The following RIMS1 variants were observed in gnomAD, a reference collection of about 807,000 sequenced individuals.
RIMS1 encodes regulating synaptic membrane exocytosis 1.
A neutral mutation model predicts 214.1 loss-of-function variants in RIMS1; 83 were observed. That is an observed-to-expected ratio of 0.39 (90% CI 0.32 to 0.47). The LOEUF (loss-of-function observed/expected upper bound fraction) is 0.47. Ranked by LOEUF, RIMS1 falls within the 20% of genes least tolerant of loss-of-function variation. The pLI is 0.99. For synonymous variants in RIMS1, 793 were observed against 786.8 expected (o/e 1.01, Z -0.13); for missense variants, 2,050 against 2,161.8 (o/e 0.95, Z 1.03).
intron 1 of RIMS1, among the ~76,000 whole-genome samples, chr6:71,893,355 T>C (rs1770569696): frequency 6.6e-6 from 1 of 152,078 alleles, no homozygotes. Context: ...CTCGTACATG[T>C]TTTTAGCACA....
chr6:72,378,426 T>C (rs1212516455), intron 29 of RIMS1, among the ~76,000 whole-genome samples: 1 of 152,232 alleles, frequency 6.6e-6, no homozygotes, highest in Non-Finnish European at 1.5e-5. Context: ...ATTTTCTTTG[T>C]GACCTAAAAC....
chr6:72,084,989 A>G lies in RIMS1; in HGVS notation c.246-11960A>G, dbSNP rs1388212739. ...AAGAGCAGAAATTGCAACATTTTATAAATTTTTCTTTTGTTCTTTTTCAGC... is the reference window on the plus strand; with the variant it reads ...AAGAGCAGAAATTGCAACATTTTATGAATTTTTCTTTTGTTCTTTTTCAGC... On this transcript the variant is annotated intron_variant, in intron 2 of 33. Coordinates refer to ENST00000521978, the MANE Select transcript of RIMS1 (RefSeq NM_014989.7). Among the ~76,000 whole-genome samples the G allele has an allele frequency of 3.3e-5, 5 of 152,308 alleles. No individual in the cohort carries two copies. The East Asian group carries it at 9.6e-4, about 29-fold the overall frequency.
chr6:72,204,108 A>G (rs2052503176), intron 6 of RIMS1, among the ~76,000 whole-genome samples: 3 of 152,190 alleles, frequency 2.0e-5, no homozygotes, highest in Admixed American at 2.0e-4. Flanking sequence ...AGCAGGTGTG[A>G]ATTCTGCCTG....
chr6:72,047,928 A>G (rs957468027), intron 2 of RIMS1, among the ~76,000 whole-genome samples: 2 of 152,188 alleles, frequency 1.3e-5, no homozygotes, highest in African/African-American at 4.8e-5. Context: ...TATTCCAGTT[A>G]GTAAGCAAGT....
chr6:71,939,505 G>T (rs538610503), intron 1 of RIMS1, among the ~76,000 whole-genome samples: 4 of 152,156 alleles, frequency 2.6e-5, no homozygotes, highest in Non-Finnish European at 4.4e-5. Context: ...AGCTATTACA[G>T]ACTATCACAG....
At chr6:71,902,275 A>C (rs1243155809) in intron 1 of RIMS1, among the ~76,000 whole-genome samples, 1 of 152,048 alleles carries the variant, frequency 6.6e-6, no homozygotes, top group Non-Finnish European at 1.5e-5. Flanking sequence ...GATAAAGAAA[A>C]AAGTCTGAAA....
intron 4 of RIMS1, among the ~76,000 whole-genome samples, chr6:72,106,608 G>A (rs1171518072): frequency 1.3e-5 from 2 of 152,084 alleles, no homozygotes; most frequent in Admixed American, 6.6e-5. Context: ...GCCTCAGATC[G>A]GTAGTTGGGA....
chr6:72,166,445 A>G (rs907915742), intron 4 of RIMS1, among the ~76,000 whole-genome samples: 2 of 152,198 alleles, frequency 1.3e-5, no homozygotes, highest in African/African-American at 4.8e-5. Flanking sequence ...CAAATTTTGT[A>G]GGGATACTTT....
intron 29 of RIMS1, among the ~76,000 whole-genome samples, chr6:72,386,980 C>T (rs1011671572): frequency 1.3e-5 from 2 of 151,976 alleles, no homozygotes; most frequent in African/African-American, 4.8e-5. Context: ...GTGATCCACC[C>T]GCCTCGGCCT....
At chr6:72,104,590 G>C (rs2034337903) in intron 4 of RIMS1, among the ~76,000 whole-genome samples, 1 of 152,068 alleles carries the variant, frequency 6.6e-6, no homozygotes, top group Non-Finnish European at 1.5e-5. Flanking sequence ...CAGAACTGGG[G>C]AGAGAGAGAG....
chr6:71,897,143 C>G (rs773952881), intron 1 of RIMS1, among the ~76,000 whole-genome samples: 3 of 152,146 alleles, frequency 2.0e-5, no homozygotes, highest in Non-Finnish European at 2.9e-5. Flanking sequence ...ATCATCAAAT[C>G]CTACAGATTT....
chr6:72,158,308 G>A (rs2044726442), intron 4 of RIMS1, among the ~76,000 whole-genome samples: 1 of 140,682 alleles, frequency 7.1e-6, no homozygotes, highest in African/African-American at 2.5e-5. Flanking sequence ...AAGTATAATT[G>A]CATTGTCTTT....
chr6:72,192,448 G>T (rs1383568142), intron 6 of RIMS1, among the ~76,000 whole-genome samples: 1 of 152,238 alleles, frequency 6.6e-6, no homozygotes, highest in East Asian at 1.9e-4. Context: ...TTCAATGGGT[G>T]CTGGGTCTGT....
intron 4 of RIMS1, among the ~76,000 whole-genome samples, chr6:72,107,207 C>A (rs974732216): frequency 6.6e-6 from 1 of 152,122 alleles, no homozygotes; most frequent in Non-Finnish European, 1.5e-5. Context: ...CCCTTGAATA[C>A]TCTGATAAGC....
intron 2 of RIMS1, among the ~76,000 whole-genome samples, chr6:72,074,112 C>G (rs1201930707): frequency 2.6e-5 from 4 of 152,110 alleles, no homozygotes; most frequent in Non-Finnish European, 4.4e-5. Flanking sequence ...CTTTAAGTCT[C>G]ATACATTTCT....
intron 1 of RIMS1, among the ~76,000 whole-genome samples, chr6:71,954,348 A>G (rs1413438839): frequency 6.6e-6 from 1 of 152,196 alleles, no homozygotes; most frequent in Admixed American, 6.5e-5. Context: ...CATAACAGGT[A>G]ATGCTTTTTT....
At chr6:72,166,245 GAGAGACAGAGAC>G (rs761499023) in intron 4 of RIMS1, among the ~76,000 whole-genome samples, 1 of 150,628 alleles carries the variant, frequency 6.6e-6, no homozygotes, top group Admixed American at 6.6e-5. Context: ...GTGAGAGAGA[GAGAGACAGAGAC>G]AGAGACAGAG....
At chr6:72,224,738 A>G (rs577712208) in intron 6 of RIMS1, among the ~76,000 whole-genome samples, 5 of 152,252 alleles carry the variant, frequency 3.3e-5, no homozygotes, top group Admixed American at 2.0e-4. Context: ...TTGCTTCTTT[A>G]TCCTCATTTT....
At chr6:71,908,401 C>T (rs1176086657) in intron 1 of RIMS1, among the ~76,000 whole-genome samples, 1 of 152,130 alleles carries the variant, frequency 6.6e-6, no homozygotes, top group Non-Finnish European at 1.5e-5. Flanking sequence ...TGGATGAACC[C>T]AGCCCTTTGT....
Sources: gnomAD v4.1 joint callset for allele counts (sites outside exome capture counted in the v4.1 genomes callset) on GRCh38, gnomAD v4.1.1 for gene constraint, MANE v1.5 for transcripts, NCBI Gene and HGNC (gene_info 2026-07-23, HGNC 2026-07-21) for gene names.